Variants in SLC9A9 observed in about 807,000 individuals in gnomAD.
SLC9A9 encodes sodium/hydrogen exchanger 9.
In SLC9A9, 62 loss-of-function variants were observed where a neutral mutation model predicts 77.8. The observed-to-expected ratio is 0.80, with a 90% CI of 0.65 to 0.98. The LOEUF (loss-of-function observed/expected upper bound fraction) is 0.98, where lower values mean the gene tolerates loss of function less well. Among genes scored for constraint, SLC9A9 ranks in the 50% least tolerant of loss-of-function variants. The probability of loss-of-function intolerance (pLI) is 0.00; values close to 1 mark genes in which losing one functional copy is unlikely to be tolerated. For synonymous variants in SLC9A9, 320 were observed against 283.5 expected (o/e 1.13, Z -1.29); for missense variants, 775 against 774.9 (o/e 1.00, Z 0.00).
rs200825186 is a variant in SLC9A9, at chr3:143,574,260, T to TA, written c.895-68dup. The TA allele has an allele frequency of 1.7e-3, 2,171 of 1,270,004 alleles. 26 individuals carry two copies. The African/African-American group carries it at 0.028, about 17-fold the overall frequency. The allele number at this position is 1,270,004 out of a possible 1,614,324, so 78.7% of individuals were successfully genotyped here. On this transcript the variant is annotated intron_variant, in intron 7 of 15. Transcript: ENST00000316549. ...GCTACATCTCCTTCTTGGCTGAGAA[T>TA]AAAAACTGATCTGGTGATGATAGCT...
intron 1 of SLC9A9, among the ~76,000 whole-genome samples, chr3:143,839,763 T>C (rs767700627): frequency 2.0e-5 from 3 of 152,170 alleles, no homozygotes; most frequent in Non-Finnish European, 2.9e-5. Flanking sequence ...TCTTAGGAAG[T>C]TGACAGAAGA....
rs1204950419 is a variant in SLC9A9, at chr3:143,824,536, C to G, written c.378+7483G>C. ...TAACTTCTCTTCATAGCACTTGCCT[C>G]CACTTGGCTCTGGATTACAAATGCT... On this transcript the variant is annotated intron_variant, in intron 2 of 15. Coordinates refer to ENST00000316549, the MANE Select transcript of SLC9A9 (RefSeq NM_173653.4). Among the ~76,000 whole-genome samples the G allele has an allele frequency of 2.6e-5, 4 of 152,170 alleles. No homozygotes were observed. In the East Asian group the frequency reaches 7.7e-4, roughly 29 times the overall value.
intron 2 of SLC9A9, among the ~76,000 whole-genome samples, chr3:143,823,962 G>T (rs1050007895): frequency 6.6e-6 from 1 of 152,018 alleles, no homozygotes; most frequent in Non-Finnish European, 1.5e-5. Context: ...TGATACAGTA[G>T]TCCTTACATC....
Position 143,477,342 on chromosome 3 carries a change from TTTTTTC to T in SLC9A9, c.1316-10158_1316-10153del, listed in dbSNP as rs1335719851. On this transcript the variant is annotated intron_variant, in intron 11 of 15. Transcript: ENST00000316549. Reference sequence around the variant, plus strand: ...AAGGGCTTCTTCAATTTTTTTTTTTTTTTTTCCCCCTCCCCCCGCCGCCCCCTCCCG... The same window carrying T: ...AAGGGCTTCTTCAATTTTTTTTTTTTCCCCTCCCCCCGCCGCCCCCTCCCG... Among the ~76,000 whole-genome samples the T allele has an allele frequency of 3.2e-3, 458 of 143,690 alleles. 4 individuals carry two copies. The highest frequency in any genetic ancestry group is 0.012 in the African/African-American group (443 of 37,500). 94.3% of individuals were successfully genotyped at this position (143,690 alleles called of 152,430 possible).
At chr3:143,531,826 C>T (rs928997585) in intron 9 of SLC9A9, among the ~76,000 whole-genome samples, 2 of 150,238 alleles carry the variant, frequency 1.3e-5, no homozygotes, top group African/African-American at 2.5e-5. Context: ...GACTTATTGA[C>T]CTCTGAGACT....
intron 6 of SLC9A9, among the ~76,000 whole-genome samples, chr3:143,596,966 T>C (rs894705244): frequency 6.6e-6 from 1 of 152,170 alleles, no homozygotes; most frequent in Non-Finnish European, 1.5e-5. Context: ...ACCCAGACCT[T>C]GTATGAGGTC....
At chr3:143,815,448 C>T (rs1468535036) in intron 2 of SLC9A9, among the ~76,000 whole-genome samples, 2 of 152,120 alleles carry the variant, frequency 1.3e-5, no homozygotes, top group Non-Finnish European at 2.9e-5. Context: ...CTATTGCCCC[C>T]TCCTTCCTGT....
chr3:143,392,463 A>G (rs2033596267), intron 12 of SLC9A9, among the ~76,000 whole-genome samples: 1 of 152,220 alleles, frequency 6.6e-6, no homozygotes, highest in Admixed American at 6.5e-5. Flanking sequence ...CTAAACATGG[A>G]AAGGAACAAC....
intron 4 of SLC9A9, among the ~76,000 whole-genome samples, chr3:143,783,722 G>A (rs12629294): frequency 6.6e-6 from 1 of 151,992 alleles, no homozygotes; most frequent in African/African-American, 2.4e-5. Context: ...ACTTCTGGGG[G>A]TGGAAAGGAA....
At chr3:143,272,150 T>C (rs1937915673) in intron 14 of SLC9A9, among the ~76,000 whole-genome samples, 1 of 152,130 alleles carries the variant, frequency 6.6e-6, no homozygotes, top group Admixed American at 6.5e-5. Flanking sequence ...GGTAGTGGCA[T>C]AAAATAAGGT....
chr3:143,763,669 A>C (rs1346655724), intron 4 of SLC9A9, among the ~76,000 whole-genome samples: 1 of 150,904 alleles, frequency 6.6e-6, no homozygotes, highest in Non-Finnish European at 1.5e-5. Flanking sequence ...GCAGTCTTTC[A>C]AAAAAAGCTA....
At chr3:143,489,218 T>C (rs559369345) in intron 11 of SLC9A9, among the ~76,000 whole-genome samples, 2 of 151,872 alleles carry the variant, frequency 1.3e-5, no homozygotes, top group East Asian at 3.9e-4. Flanking sequence ...CTACAAAACA[T>C]TACTGAAATA....
chr3:143,675,143 C>T (rs1050481013), intron 5 of SLC9A9, among the ~76,000 whole-genome samples: 10 of 152,174 alleles, frequency 6.6e-5, no homozygotes, highest in African/African-American at 2.4e-4. Context: ...TCATCTAATT[C>T]CTCTAGGAAT....
At chr3:143,310,557 A>T (rs1038115190) in intron 14 of SLC9A9, among the ~76,000 whole-genome samples, 2 of 151,550 alleles carry the variant, frequency 1.3e-5, no homozygotes, top group African/African-American at 4.8e-5. Context: ...CCGAATTTAG[A>T]ATCTAAGTTT....
intron 6 of SLC9A9, among the ~76,000 whole-genome samples, chr3:143,590,033 C>A (rs2037619862): frequency 6.6e-6 from 1 of 152,120 alleles, no homozygotes; most frequent in Non-Finnish European, 1.5e-5. Context: ...ACTTACAGGC[C>A]AAGATTTCTT....
At chr3:143,311,425 C>T (rs1471462316) in intron 14 of SLC9A9, among the ~76,000 whole-genome samples, 2 of 152,194 alleles carry the variant, frequency 1.3e-5, no homozygotes, top group Non-Finnish European at 2.9e-5. Context: ...ACCCAGCATT[C>T]TTATTCCAAT....
At chr3:143,837,058 T>TA (rs1346534790) in intron 1 of SLC9A9, among the ~76,000 whole-genome samples, 2 of 152,128 alleles carry the variant, frequency 1.3e-5, no homozygotes, top group Non-Finnish European at 2.9e-5. Context: ...CTTAGAGAAA[T>TA]AAAAAATAGG....
intron 9 of SLC9A9, among the ~76,000 whole-genome samples, chr3:143,516,951 C>T (rs1261313862): frequency 6.6e-6 from 1 of 152,076 alleles, no homozygotes; most frequent in African/African-American, 2.4e-5. Flanking sequence ...TTTTTTCAGT[C>T]CTATGAATAT....
intron 12 of SLC9A9, among the ~76,000 whole-genome samples, chr3:143,400,032 T>C (rs556623808): frequency 6.6e-6 from 1 of 152,328 alleles, no homozygotes; most frequent in South Asian, 2.1e-4. Flanking sequence ...ACTATTACTT[T>C]ATGTACATCT....
Sources: allele counts gnomAD v4.1 joint callset (sites outside exome capture counted in the v4.1 genomes callset), GRCh38; gene constraint gnomAD v4.1.1; transcripts MANE v1.5; gene names NCBI Gene and HGNC (gene_info 2026-07-23, HGNC 2026-07-21).